Variants in AHNAK2 observed in about 807,000 individuals in gnomAD.
The protein encoded by AHNAK2 is AHNAK nucleoprotein 2, also known as protein AHNAK2.
Under a neutral mutation model 30.7 loss-of-function variants are expected in AHNAK2, and 18 were observed. That is an observed-to-expected ratio of 0.59 (90% CI 0.41 to 0.87). The LOEUF is 0.87. Among genes scored for constraint, AHNAK2 ranks in the 40% least tolerant of loss-of-function variants. The pLI is 0.00. For synonymous variants in AHNAK2, 3,590 were observed against 3,073.8 expected, an observed-to-expected ratio of 1.17 and a Z score of -5.56; for missense variants, 8,604 against 7,373.0, an observed-to-expected ratio of 1.17 and a Z score of -6.11.
At position 104,945,711 on chromosome 14, in the gene AHNAK2, T is replaced by G. The variant is rs200045846; in HGVS notation, c.9740A>C (p.Asp3247Ala). 3.1e-6 allele frequency: 5 copies of G among 1,600,848 alleles called. No individual in the cohort carries two copies. The African/African-American group carries it at 6.8e-5, about 22-fold the overall frequency. The change falls in exon 7 of 7, where the codon GAC becomes GCC. Residue 3247 changes from aspartate to alanine, a missense_variant. Physicochemically the swap from Asp to Ala is moderately radical, Grantham distance 126. Transcript: ENST00000333244. ...CAGGTCCAGCTTGGGGCCCTTGATG[T>G]CTATCTGGGGGCCCTTGCGATCTAC... ...PKVDRKGPQI[D>A]IKGPKLDLKG... is the part of the protein sequence containing the mutation.
intron 3 of AHNAK2, 45 bp from the exon 4 acceptor site, chr14:104,956,734 G>A (rs757130115): frequency 2.5e-6 from 4 of 1,585,650 alleles, no homozygotes; most frequent in South Asian, 2.2e-5. Flanking sequence ...CCCAGCTCAG[G>A]GACAGGGAGG....
In AHNAK2 at chr14:104,938,602, CA is replaced by C. The variant is rs1185489143; in HGVS notation, c.16848del (p.Asp5617MetfsTer86). 2 of 1,612,982 alleles carry C rather than the reference CA, an allele frequency of 1.2e-6. No homozygotes were observed. Among genetic ancestry groups the C allele is most frequent in the African/African-American group, 1.3e-5 (1 of 74,928 alleles). The part of the protein sequence containing the change: ...EEPAEILEFP[P>X]DDSQEATTPL... ...GGTGTGGTTGCCTCTTGGCTATCAT[CA>C]GGGGGAAACTCAAGAATTTCTGCTG... On this transcript the variant is annotated frameshift_variant, in exon 7 of 7. Transcript: ENST00000333244. LOFTEE classifies it low-confidence loss of function (END_TRUNC).
In AHNAK2 at chr14:104,955,061, G is replaced by A. The variant is rs1223496829; in HGVS notation, c.547C>T (p.Pro183Ser). The A allele has an allele frequency of 6.2e-7, 1 of 1,613,656 alleles. No homozygotes were observed. Among genetic ancestry groups the A allele is most frequent in the Non-Finnish European group, 8.5e-7 (1 of 1,179,856 alleles). The change falls in exon 6 of 7, where the codon CCG becomes TCG. Residue 183 changes from proline (P) to serine (S), a missense_variant. Coordinates refer to ENST00000333244, the MANE Select transcript of AHNAK2 (RefSeq NM_138420.4). ...DALKILQYSE[P>S]YKVQFKIRRQ... The stretch of plus-strand genomic sequence containing the variant: ...CTGATTTTGAACTGAACCTTGTACG[G>A]CTCTGAATATTGAAGGATTTTGAGA...
Position 104,952,377 on chromosome 14 carries a change from G to T in AHNAK2, c.3074C>A (p.Ala1025Glu). Residue 1025 changes from alanine to glutamate, a missense_variant, in exon 7 of 7, where the codon GCA becomes GAA. Ala to Glu is a moderately radical substitution (Grantham distance 107). Transcript: ENST00000333244. ...ACTCAGGTCGGCCTCCACCTTGGGT[G>T]CAGACACATCCACCAAGGCCTTGAT... ...KSIKALVDVSAPKVEADLSLP... is the reference protein window; with the variant it reads ...KSIKALVDVSEPKVEADLSLP... The T allele has an allele frequency of 6.2e-7, 1 of 1,612,904 alleles. No homozygotes were observed. Among genetic ancestry groups the T allele is most frequent in the South Asian group, 1.1e-5 (1 of 91,046 alleles).
intron 1 of AHNAK2, among the ~76,000 whole-genome samples, chr14:104,963,851 AGAG>A (rs1566924702): frequency 2.6e-5 from 4 of 151,504 alleles, no homozygotes; most frequent in African/African-American, 7.3e-5. Context: ...GAAAAAAAAA[AGAG>A]AGAGAGAGAA....
intron 1 of AHNAK2, among the ~76,000 whole-genome samples, chr14:104,972,650 TG>T (rs1022530725): frequency 6.6e-6 from 1 of 152,158 alleles, no homozygotes; most frequent in African/African-American, 2.4e-5. Context: ...CGCCAAGCCC[TG>T]GAACACATGA....
At chr14:104,956,473 G>A (rs948415620) in intron 4 of AHNAK2, 115 bp downstream of exon 4, 24 of 1,044,870 alleles carry the variant, frequency 2.3e-5, no homozygotes, top group East Asian at 1.7e-4. Context: ...CCCAGGGCAC[G>A]GGGCACACTG....
chr14:104,949,690 G>A lies in AHNAK2; in HGVS notation c.5761C>T (p.Leu1921Phe), dbSNP rs1399389021. The A allele has an allele frequency of 1.3e-6, 2 of 1,587,098 alleles. No individual in the cohort carries two copies. Among genetic ancestry groups the A allele is most frequent in the African/African-American group, 1.4e-5 (1 of 72,516 alleles). The change falls in exon 7 of 7, where the codon CTC (leucine) becomes TTC (phenylalanine). Residue 1921 changes from leucine (L) to phenylalanine (F), a missense_variant. Leu to Phe is a conservative substitution (Grantham distance 22). Coordinates refer to ENST00000333244, the MANE Select transcript of AHNAK2 (RefSeq NM_138420.4). ...MPSFKMPKVD[L>F]KGPQTDVKGA... ...TTAACATCTGTCTGGGGGCCCTTGA[G>A]GTCCACTTTGGGCATCTTGAAACTG...
rs753791209 is a variant in AHNAK2 at position 104,954,762 on chromosome 14, G to A, written c.689C>T (p.Thr230Met). The A allele has an allele frequency of 5.4e-5, 87 of 1,597,506 alleles. No homozygotes were observed. Among genetic ancestry groups the A allele is most frequent in the Non-Finnish European group, 6.6e-5 (77 of 1,171,562 alleles). ...GTCCCCATCTCCTTCCAGAGTTTTC[G>A]TGGGGGTCTCTCTGCACCCATCAGC... ...DVADGCRETP[T>M]KTLEGDGDQE... Residue 230 changes from threonine (T) to methionine (M), a missense_variant, in exon 7 of 7, where the codon ACG (threonine) becomes ATG (methionine). Coordinates refer to ENST00000333244, the MANE Select transcript of AHNAK2 (RefSeq NM_138420.4). The surrounding 1 kb of genome is among the most constrained non-coding windows in gnomAD (Gnocchi z 4.3).
intron 1 of AHNAK2, among the ~76,000 whole-genome samples, chr14:104,973,909 G>T (rs904492258): frequency 1.3e-5 from 2 of 152,208 alleles, no homozygotes; most frequent in Non-Finnish European, 2.9e-5. Flanking sequence ...GAGGGCGGTG[G>T]CTGCAAAAAC....
At position 104,955,517 on chromosome 14, in the gene AHNAK2, G is replaced by A; in HGVS notation, c.432C>T (p.Asp144=). The change falls in exon 5 of 7, where the codon GAC becomes GAT. Residue 144 remains aspartate (D), a synonymous_variant. Transcript: ENST00000333244. ...AGTTAAAAAGCTTGGCGGCTGAGGA[G>A]TCCTTCAGCACTTGCTTGACGAAGA... The part of the protein sequence containing the change: ...QGIFVKQVLK[D]SSAAKLFNLR... The A allele has an allele frequency of 1.2e-6, 2 of 1,613,592 alleles. No homozygotes were observed. The highest frequency in any genetic ancestry group is 1.7e-6 in the Non-Finnish European group (2 of 1,179,782).
chr14:104,968,660 T>A (rs566752720), intron 1 of AHNAK2, among the ~76,000 whole-genome samples: 1 of 152,100 alleles, frequency 6.6e-6, no homozygotes, highest in African/African-American at 2.4e-5. Flanking sequence ...CATGGTTGGG[T>A]GCATTTGCAA....
intron 2 of AHNAK2, 35 bp from the exon 3 acceptor site, chr14:104,957,543 G>A (rs1258307219): frequency 1.0e-5 from 16 of 1,588,656 alleles, no homozygotes; most frequent in Admixed American, 3.5e-5. Flanking sequence ...TTTGCCACTC[G>A]GTTCTCCCAG....
rs779504897 is a variant in AHNAK2, at chr14:104,949,869, G to A, written c.5582C>T (p.Ser1861Phe). The change falls in exon 7 of 7, where the codon TCC becomes TTC. Residue 1861 changes from serine (S) to phenylalanine (F), a missense_variant. Physicochemically the swap from Ser to Phe is radical, Grantham distance 155. Transcript: ENST00000333244. ...CGTGGTCTTGAGGTCCCCCTGCATG[G>A]AGGGGAGGCTCACTTCGGCCTCCAC... ...PKVEAEVSLP[S>F]MQGDLKTTDL... 1 of 1,588,312 alleles carries A rather than the reference G, an allele frequency of 6.3e-7. No individual in the cohort carries two copies.
At position 104,945,405 on chromosome 14, in the gene AHNAK2, C is replaced by T. The variant is rs758205866; in HGVS notation, c.10046G>A (p.Gly3349Glu). 1 of 1,613,246 alleles carries T rather than the reference C, an allele frequency of 6.2e-7. No homozygotes were observed. The highest frequency in any genetic ancestry group is 1.1e-5 in the South Asian group (1 of 91,058). ...EADVSLPSMQGDLKTTDLSIQ... is the reference protein window; with the variant it reads ...EADVSLPSMQEDLKTTDLSIQ... ...GCTGAGGTCAGTGGTCTTGAGGTCC[C>T]CCTGCATGGAGGGGAGGCTCACGTC... is the stretch of plus-strand genomic sequence containing the variant. The change falls in exon 7 of 7, where the codon GGG (glycine) becomes GAG (glutamate). Residue 3349 changes from glycine to glutamate, a missense_variant. Gly to Glu is a moderately conservative substitution (Grantham distance 98, BLOSUM62 -2). Coordinates refer to ENST00000333244, the MANE Select transcript of AHNAK2 (RefSeq NM_138420.4).
rs888876814 is a variant in AHNAK2, at chr14:104,955,565, G to A, written c.384C>T (p.Val128=). The A allele has an allele frequency of 4.3e-6, 7 of 1,613,678 alleles. No individual in the cohort carries two copies. The highest frequency in any genetic ancestry group is 5.9e-6 in the Non-Finnish European group (7 of 1,179,834). ...EVEAGASGYS[V]TGGGDQGIFV... ...AGATCCCCTGGTCCCCACCACCTGT[G>A]ACACTGTAGCCACTGGCTCCTGCCT... is the stretch of plus-strand genomic sequence containing the variant. Residue 128 remains valine, a synonymous_variant, in exon 5 of 7, where the codon GTC becomes GTT. Coordinates refer to ENST00000333244, the MANE Select transcript of AHNAK2 (RefSeq NM_138420.4).
chr14:104,947,554 C>A lies in AHNAK2; in HGVS notation c.7897G>T (p.Asp2633Tyr). The part of the protein sequence containing the change: ...AKLDGARLEG[D>Y]LSLADKGVTA... ...ACACCCTTGTCGGCCAGGGACAGGT[C>A]CCCCTCCAGCCGCGCACCATCCAGC... The change falls in exon 7 of 7, where the codon GAC becomes TAC. Residue 2633 changes from aspartate to tyrosine, a missense_variant. Asp to Tyr is a radical substitution (Grantham distance 160, BLOSUM62 -3). Coordinates refer to ENST00000333244, the MANE Select transcript of AHNAK2 (RefSeq NM_138420.4). 2 of 1,612,892 alleles carry A rather than the reference C, an allele frequency of 1.2e-6. No homozygotes were observed. The highest frequency in any genetic ancestry group is 1.3e-5 in the African/African-American group (1 of 74,570).
In AHNAK2 at chr14:104,940,369, G is replaced by A. The variant is rs1471265833; in HGVS notation, c.15082C>T (p.Leu5028Phe). 2 of 1,613,900 alleles carry A rather than the reference G, an allele frequency of 1.2e-6. No individual in the cohort carries two copies. The highest frequency in any genetic ancestry group is 4.5e-5 in the East Asian group (2 of 44,886). The stretch of plus-strand genomic sequence containing the variant: ...CTCTTAGAAGCCTTCATTTTGGGAA[G>A]TGCAAGTTTTGGCATGGCAAAGCCA... ...KPGFAMPKLA[L>F]PKMKASKSGV... The change falls in exon 7 of 7, where the codon CTT becomes TTT. Residue 5028 changes from leucine to phenylalanine, a missense_variant. Leu to Phe is a conservative substitution (Grantham distance 22). Transcript: ENST00000333244. This position sits in a 1 kb window ranked among gnomAD's most constrained non-coding sequence, Gnocchi z 4.4.
rs375008555 is a variant in AHNAK2, at chr14:104,953,759, C to A, written c.1692G>T (p.Arg564Ser). The stretch of plus-strand genomic sequence containing the variant: ...TGCCCTTGTCCTGTTCCTCAGTGAT[C>A]CTTGTCCTCTGTAGTCCTTCCTCTC... ...GDGEEGLQRT[R>S]ITEEQDKGRE... The change falls in exon 7 of 7, where the codon AGG (arginine) becomes AGT (serine). Residue 564 changes from arginine to serine, a missense_variant. Physicochemically the swap from Arg to Ser is moderately radical, Grantham distance 110. Transcript: ENST00000333244. 2 of 1,613,932 alleles carry A rather than the reference C, an allele frequency of 1.2e-6. No homozygotes were observed. Among genetic ancestry groups the A allele is most frequent in the East Asian group, 4.5e-5 (2 of 44,878 alleles).
Sources: allele counts gnomAD v4.1 joint callset (sites outside exome capture counted in the v4.1 genomes callset), GRCh38; gene constraint gnomAD v4.1.1; non-coding constraint Gnocchi (gnomAD v3.1); transcripts MANE v1.5; gene names NCBI Gene and HGNC (gene_info 2026-07-23, HGNC 2026-07-21).